STK3: variants seen among roughly 807,000 people sequenced by gnomAD.
The protein encoded by STK3 is serine/threonine kinase 3.
Under a neutral mutation model 58.0 loss-of-function variants are expected in STK3, and 41 were observed. The observed-to-expected ratio is 0.71, with a 90% CI of 0.55 to 0.92. The LOEUF (loss-of-function observed/expected upper bound fraction) is 0.92. Among genes scored for constraint, STK3 ranks in the 40% least tolerant of loss-of-function variants. The pLI is 0.00. For synonymous variants in STK3, 170 were observed against 191.0 expected (o/e 0.89, Z 0.91); for missense variants, 479 against 602.7 (o/e 0.79, Z 2.15).
chr8:98,801,363 G>A (rs563017088), intron 1 of STK3, among the ~76,000 whole-genome samples: 3 of 152,284 alleles, frequency 2.0e-5, no homozygotes, highest in East Asian at 1.9e-4. Context: ...CAAGCCAGCA[G>A]TGGTAACCCG....
chr8:98,831,905 T>C (rs1782952934), intron 3 of STK3, among the ~76,000 whole-genome samples: 1 of 152,228 alleles, frequency 6.6e-6, no homozygotes, highest in Non-Finnish European at 1.5e-5. Flanking sequence ...CAGTATCTTC[T>C]TCCTATTTGT....
intron 3 of STK3, among the ~76,000 whole-genome samples, chr8:98,869,735 C>T (rs931204172): frequency 6.6e-6 from 1 of 151,282 alleles, no homozygotes; most frequent in African/African-American, 2.4e-5. Flanking sequence ...TTTATACAGA[C>T]TTATCATACA....
At chr8:98,818,906 C>T (rs1420094724) in intron 1 of STK3, among the ~76,000 whole-genome samples, 3 of 152,090 alleles carry the variant, frequency 2.0e-5, no homozygotes, top group African/African-American at 7.2e-5. Flanking sequence ...CTGCAAGCTC[C>T]GCCTCCCAAG....
intron 8 of STK3, among the ~76,000 whole-genome samples, 190 bp downstream of exon 8, chr8:98,579,474 A>C (rs1028770345): frequency 6.6e-6 from 1 of 152,226 alleles, no homozygotes; most frequent in South Asian, 2.1e-4. Context: ...ACATTCCACT[A>C]ATCACTAATT....
chr8:98,916,469 G>A (rs757354923), intron 1 of STK3, among the ~76,000 whole-genome samples: 9 of 152,138 alleles, frequency 5.9e-5, no homozygotes, highest in Non-Finnish European at 1.3e-4. Context: ...TTCTAGCGTA[G>A]TGCTGGACAT....
upstream of STK3, among the ~76,000 whole-genome samples, chr8:98,829,059 C>T (rs572695835): frequency 4.9e-4 from 75 of 152,284 alleles, no homozygotes; most frequent in African/African-American, 1.8e-3. Context: ...AGCCCCTTGG[C>T]TTATGGTTGG....
chr8:98,381,539 C>T lies in STK3; in HGVS notation n.57-2332G>A, dbSNP rs183806679. Among the ~76,000 whole-genome samples the T allele has an allele frequency of 3.9e-3, 600 of 152,304 alleles. 4 individuals are homozygous for T. Among genetic ancestry groups the T allele is most frequent in the Non-Finnish European group, 5.1e-3 (349 of 68,034 alleles). Reference sequence around the variant, plus strand: ...GCAGATTAATTCTAGTCCGCAATGTCTCCTGTGAGGTTCGGGAGAAAAAGC... The same window carrying T: ...GCAGATTAATTCTAGTCCGCAATGTTTCCTGTGAGGTTCGGGAGAAAAAGC... On this transcript the variant is annotated intron_variant and non_coding_transcript_variant, in intron 1 of 2. Coordinates refer to the STK3 transcript ENST00000518704.
upstream of STK3, among the ~76,000 whole-genome samples, chr8:98,825,834 G>T (rs1489506568): frequency 1.7e-5 from 1 of 59,604 alleles, no homozygotes; most frequent in African/African-American, 6.3e-5. Flanking sequence ...CCCCGCCCCC[G>T]GCCGCCCCGC....
chr8:98,614,652 G>C lies in STK3; in HGVS notation c.685-18483C>G, dbSNP rs966220635. Among the ~76,000 whole-genome samples the C allele has an allele frequency of 5.3e-5, 8 of 152,232 alleles. No homozygotes were observed. The East Asian group carries it at 1.2e-3, about 22-fold the overall frequency. On this transcript the variant is annotated intron_variant, in intron 6 of 10. Transcript: ENST00000419617. ...CGAGGCATTGCCTCACCTGGGAAGCGCAAGGGGTCAGGGAGTTCCCTTTCC... is the reference window on the plus strand; with the variant it reads ...CGAGGCATTGCCTCACCTGGGAAGCCCAAGGGGTCAGGGAGTTCCCTTTCC...
intron 10 of STK3, among the ~76,000 whole-genome samples, chr8:98,516,510 T>C (rs755899015): frequency 1.3e-5 from 2 of 152,042 alleles, no homozygotes; most frequent in African/African-American, 2.4e-5. Flanking sequence ...GAAGATAGAA[T>C]TTATTTGCAG....
intron 1 of STK3, among the ~76,000 whole-genome samples, chr8:98,444,000 C>T (rs1327649824): frequency 6.6e-6 from 1 of 152,088 alleles, no homozygotes; most frequent in Non-Finnish European, 1.5e-5. Flanking sequence ...TTTATTTTAC[C>T]TATGGTTCCT....
At chr8:98,935,980 A>G (rs1840179507) in intron 1 of STK3, among the ~76,000 whole-genome samples, 1 of 151,772 alleles carries the variant, frequency 6.6e-6, no homozygotes, top group African/African-American at 2.4e-5. Context: ...GCAGTGGCCC[A>G]ATATTGGCTC....
At chr8:98,478,525 AG>A (rs1257926166) in intron 10 of STK3, among the ~76,000 whole-genome samples, 2 of 152,222 alleles carry the variant, frequency 1.3e-5, no homozygotes, top group Non-Finnish European at 2.9e-5. Context: ...GGCAGAACCT[AG>A]AAAAATCCTT....
chr8:98,933,238 C>T (rs1051602288), intron 1 of STK3, among the ~76,000 whole-genome samples: 3 of 152,160 alleles, frequency 2.0e-5, no homozygotes, highest in African/African-American at 4.8e-5. Context: ...GTGTACATTA[C>T]TATTTAGACA....
chr8:98,719,589 T>C (rs1286122619), intron 4 of STK3, among the ~76,000 whole-genome samples: 1 of 152,246 alleles, frequency 6.6e-6, no homozygotes, highest in Non-Finnish European at 1.5e-5. Context: ...CTTTGCTCAA[T>C]GACTTGAAAG....
intron 2 of STK3, among the ~76,000 whole-genome samples, chr8:98,376,598 A>G (rs569745024): frequency 6.6e-6 from 1 of 152,298 alleles, no homozygotes; most frequent in Admixed American, 6.5e-5. Context: ...TTAAGGGCTG[A>G]TGTTTAGATG....
chr8:98,501,567 GA>G (rs1823598777), intron 10 of STK3, among the ~76,000 whole-genome samples: 1 of 152,128 alleles, frequency 6.6e-6, no homozygotes, highest in Non-Finnish European at 1.5e-5. Flanking sequence ...AATCCATCTT[GA>G]ATTAACTTTT....
chr8:98,932,418 G>C (rs964377674), intron 1 of STK3, among the ~76,000 whole-genome samples: 6 of 152,190 alleles, frequency 3.9e-5, no homozygotes, highest in Non-Finnish European at 7.3e-5. Context: ...CCCAGGTCTA[G>C]CTCTAGAGCA....
rs761956279 is a variant in STK3 at position 98,471,623 on chromosome 8, G to A, written c.1318-15623C>T. Reference sequence around the variant, plus strand: ...TGAACGTGAAAAAGAGTGGCTATACGACTACTCCAAGTACCGTTTCTACTG... The same window carrying A: ...TGAACGTGAAAAAGAGTGGCTATACAACTACTCCAAGTACCGTTTCTACTG... On this transcript the variant is annotated intron_variant, in intron 10 of 10. Transcript: ENST00000419617. 6.6e-5 allele frequency among the ~76,000 whole-genome samples: 10 copies of A among 152,076 alleles called. No homozygotes were observed. The East Asian group carries it at 1.2e-3, about 18-fold the overall frequency.
Sources: allele counts gnomAD v4.1 joint callset (sites outside exome capture counted in the v4.1 genomes callset), GRCh38; gene constraint gnomAD v4.1.1; transcripts MANE v1.5; gene names NCBI Gene and HGNC (gene_info 2026-07-23, HGNC 2026-07-21).